Variants in CD36 observed in about 807,000 individuals in gnomAD.
CD36 encodes the protein platelet glycoprotein 4.
A neutral mutation model predicts 55.2 loss-of-function variants in CD36; 119 were observed. The observed-to-expected ratio is 2.15, with a 90% confidence interval of 1.86 to 2.51. The LOEUF (loss-of-function observed/expected upper bound fraction) is 2.51. Among genes scored for constraint, CD36 ranks in the 30% most tolerant of loss-of-function variants. CD36 has a pLI of 0.00. For synonymous variants in CD36, 186 were observed against 193.6 expected, an observed-to-expected ratio of 0.96 and a Z score of 0.33; for missense variants, 819 against 555.5, an observed-to-expected ratio of 1.47 and a Z score of -4.77.
intron 1 of CD36, chr7:80,639,892 A>G (rs1794695726): frequency 6.6e-6 from 1 of 152,048 alleles, no homozygotes; most frequent in African/African-American, 2.4e-5. Context: ...CCATCAGATA[A>G]TGGGTTAGCC....
At position 80,641,254 on chromosome 7, in the gene CD36, G is replaced by T. The variant is rs117400587; in HGVS notation, c.-184+2508G>T. ...CTTATGTTGATGAAACATAATCATA[G>T]TTAAATGATTGTTTTACACCCATTT... On this transcript the variant is annotated intron_variant, in intron 1 of 14. Coordinates refer to ENST00000447544, the MANE Select transcript of CD36 (RefSeq NM_001001548.3). Among the ~76,000 whole-genome samples the T allele has an allele frequency of 9.0e-4, 137 of 152,136 alleles. 2 individuals carry two copies. In the East Asian group the frequency reaches 0.019, roughly 21 times the overall value.
At position 80,679,051 on chromosome 7, in the gene CD36, A is replaced by C. The variant is rs546051130; in HGVS notation, c.*2668A>C. 1 of 151,810 alleles carries C rather than the reference A, an allele frequency of 6.6e-6. No individual in the cohort carries two copies. The highest frequency in any genetic ancestry group is 1.9e-4 in the East Asian group (1 of 5,156). The allele number at this position is 151,810 out of a possible 1,614,324, so 9.4% of individuals were successfully genotyped here. A position where few individuals can be genotyped will look rare whatever the true frequency, so the allele number is the denominator to read the frequency against. On this transcript the variant is annotated 3_prime_UTR_variant, in exon 15 of 15. Transcript: ENST00000447544. ...GTCTACAATTCTAAATGGATTTTGA[A>C]CTCAATGTCGTCGCTTCTGGTTTCC...
intron 3 of CD36, among the ~76,000 whole-genome samples, chr7:80,654,716 G>A (rs1384415716): frequency 2.6e-5 from 4 of 152,086 alleles, no homozygotes; most frequent in African/African-American, 4.8e-5. Flanking sequence ...AATGTACCCC[G>A]TATAAGTGGA....
intron 10 of CD36, 50 bp from the exon 11 acceptor site, chr7:80,671,872 G>T: frequency 6.4e-7 from 1 of 1,561,920 alleles, no homozygotes. Context: ...AGTTATATGT[G>T]AAATGAAGGA....
At chr7:80,604,482 A>G (rs548843718) in intron 1 of CD36, among the ~76,000 whole-genome samples, 1 of 149,100 alleles carries the variant, frequency 6.7e-6, no homozygotes, top group Admixed American at 6.8e-5. Context: ...CTTCTGACAA[A>G]CCACGTGGAG....
chr7:80,664,620 C>A, intron 7 of CD36, 123 bp downstream of exon 7: 1 of 708,720 alleles, frequency 1.4e-6, no homozygotes, highest in Non-Finnish European at 2.6e-6. Flanking sequence ...TATAATTCAG[C>A]TCTGGAAACT....
rs1291303625 is a variant in CD36, at chr7:80,669,994, T to C, written c.790T>C (p.Leu264=). 12 of 1,611,406 alleles carry C rather than the reference T, an allele frequency of 7.4e-6. No individual in the cohort carries two copies. The highest frequency in any genetic ancestry group is 1.1e-5 in the South Asian group (1 of 91,030). The change falls in exon 9 of 15, where the codon TTG becomes CTG. Residue 264 remains leucine (L), a synonymous_variant. Transcript: ENST00000447544. The part of the protein sequence containing the change: ...FPPFVEKSQV[L]QFFSSDICRS... The stretch of plus-strand genomic sequence containing the variant: ...ACCTTTTGTTGAGAAAAGCCAGGTA[T>C]TGCAGTTCTTTTCTTCTGATATTTG...
At chr7:80,621,974 T>TTA (rs1337894279) in intron 1 of CD36, among the ~76,000 whole-genome samples, 5 of 152,154 alleles carry the variant, frequency 3.3e-5, no homozygotes, top group African/African-American at 1.2e-4. Context: ...TTCACCTATT[T>TTA]TATATATACC....
chr7:80,669,857 A>G (rs1439689193), intron 8 of CD36, 96 bp from the exon 9 acceptor site: 1 of 848,616 alleles, frequency 1.2e-6, no homozygotes, highest in Non-Finnish European at 2.1e-6. Flanking sequence ...GGCAGTTTGC[A>G]TTACATTTCT....
chr7:80,622,506 C>A (rs1334515), intron 1 of CD36, among the ~76,000 whole-genome samples: 146,319 of 152,238 alleles, frequency 0.96, 70,389 homozygotes, highest in East Asian at 1. Flanking sequence ...AAAAAGTGGA[C>A]ACAGAAAAAA....
chr7:80,672,953 A>C, intron 12 of CD36, 110 bp downstream of exon 12: 1 of 746,808 alleles, frequency 1.3e-6, no homozygotes, highest in Non-Finnish European at 2.4e-6. Flanking sequence ...TCTGATATCA[A>C]CTTATCTTTA....
chr7:80,645,658 A>T (rs976803321), intron 1 of CD36, among the ~76,000 whole-genome samples: 5 of 152,082 alleles, frequency 3.3e-5, no homozygotes, highest in Non-Finnish European at 7.4e-5. Context: ...CACATACTTT[A>T]TGAAGACACC....
At chr7:80,648,545 A>G (rs531558858) in intron 3 of CD36, among the ~76,000 whole-genome samples, 2 of 151,742 alleles carry the variant, frequency 1.3e-5, no homozygotes, top group Non-Finnish European at 2.9e-5. Flanking sequence ...TTATGCTTAT[A>G]ATAGTTAACC....
At chr7:80,629,861 C>T (rs1422925116) in intron 1 of CD36, among the ~76,000 whole-genome samples, 1 of 150,064 alleles carries the variant, frequency 6.7e-6, no homozygotes, top group Non-Finnish European at 1.5e-5. Context: ...ATCTTATTCA[C>T]CTAGATTGTC....
upstream of CD36, chr7:80,637,021 T>C (rs2116224413): frequency 6.6e-6 from 1 of 152,242 alleles, no homozygotes; most frequent in South Asian, 2.1e-4. Context: ...TAATGTCAAC[T>C]TAGGCATCTA....
intron 3 of CD36, among the ~76,000 whole-genome samples, chr7:80,654,897 GAC>G (rs1407861581): frequency 2.1e-5 from 3 of 140,360 alleles, no homozygotes; most frequent in Non-Finnish European, 3.1e-5. Flanking sequence ...AAAAAAAAAA[GAC>G]AGTCATAGCA....
At position 80,646,861 on chromosome 7, in the gene CD36, G is replaced by T. The variant is rs751471043; in HGVS notation, c.120+1G>T. On this transcript the variant is annotated splice_donor_variant, in intron 3 of 14. Transcript: ENST00000447544. LOFTEE classifies it high-confidence loss of function. ...GCTTATCCAGAAGACAATTAAAAAG[G>T]TACAAGTAGTCCAAAGAATATGCCT... 15 of 1,613,666 alleles carry T rather than the reference G, an allele frequency of 9.3e-6. No homozygotes were observed. Among genetic ancestry groups the T allele is most frequent in the Non-Finnish European group, 1.2e-5 (14 of 1,179,804 alleles).
At chr7:80,642,656 A>G (rs192548450) in intron 1 of CD36, among the ~76,000 whole-genome samples, 2 of 152,274 alleles carry the variant, frequency 1.3e-5, no homozygotes, top group East Asian at 3.9e-4. Context: ...AGTGATAATA[A>G]ATGAACCCAA....
intron 1 of CD36, among the ~76,000 whole-genome samples, chr7:80,615,532 T>C (rs1293885260): frequency 6.6e-6 from 1 of 152,310 alleles, no homozygotes; most frequent in Non-Finnish European, 1.5e-5. Flanking sequence ...TATTCATCCA[T>C]TGAAGCCCTT....
Sources: gnomAD v4.1 joint callset for allele counts (sites outside exome capture counted in the v4.1 genomes callset) on GRCh38, gnomAD v4.1.1 for gene constraint, MANE v1.5 for transcripts, NCBI Gene and HGNC (gene_info 2026-07-23, HGNC 2026-07-21) for gene names.